OXSR1: variants seen among roughly 807,000 people sequenced by gnomAD.
The protein encoded by OXSR1 is serine/threonine-protein kinase OSR1.
OXSR1 carries 24 observed loss-of-function variants against 79.8 expected under a neutral mutation model. That is an observed-to-expected ratio of 0.30 (90% CI 0.22 to 0.42). OXSR1 has a LOEUF of 0.42. Ranked by LOEUF, OXSR1 falls within the 10% of genes least tolerant of loss-of-function variation. The probability of loss-of-function intolerance (pLI) is 1.00; values close to 1 mark genes in which losing one functional copy is unlikely to be tolerated. For synonymous variants in OXSR1, 226 were observed against 209.2 expected, an observed-to-expected ratio of 1.08 and a Z score of -0.69; for missense variants, 430 against 618.4, an observed-to-expected ratio of 0.70 and a Z score of 3.23.
intron 6 of OXSR1, among the ~76,000 whole-genome samples, chr3:38,223,095 G>A (rs1702620592): frequency 6.6e-6 from 1 of 151,970 alleles, no homozygotes; most frequent in African/African-American, 2.4e-5. Flanking sequence ...TAAAGCTTAT[G>A]AACACTTTCA....
At chr3:38,230,273 A>G (rs988417475) in intron 9 of OXSR1, 92 bp from the exon 10 acceptor site, 11 of 775,660 alleles carry the variant, frequency 1.4e-5, no homozygotes, top group Admixed American at 6.4e-5. Flanking sequence ...AACAGTTACT[A>G]TATCACATTT....
chr3:38,183,403 A>G (rs1701823414), intron 2 of OXSR1, among the ~76,000 whole-genome samples: 1 of 152,200 alleles, frequency 6.6e-6, no homozygotes, highest in African/African-American at 2.4e-5. Context: ...TTTTCATTTA[A>G]TAATTTATCA....
intron 8 of OXSR1, 109 bp from the exon 9 acceptor site, chr3:38,229,574 CTGAG>C: frequency 1.3e-6 from 1 of 758,784 alleles, no homozygotes; most frequent in Non-Finnish European, 2.3e-6. Flanking sequence ...GTAGAGTATA[CTGAG>C]TTTTTATTTT....
At position 38,224,654 on chromosome 3, in the gene OXSR1, A is replaced by G. The variant is rs1210629992; in HGVS notation, c.786A>G (p.Lys262=). ...AAGAAATGCTGAAAAAATATGGAAA[A>G]TCATTTAGAAAAATGATTTCATTGT... ...QDKEMLKKYG[K]SFRKMISLCL... The change falls in exon 8 of 18, where the codon AAA becomes AAG. Residue 262 remains lysine (K), a synonymous_variant. Transcript: ENST00000311806. 6.3e-7 allele frequency: 1 copy of G among 1,592,712 alleles called. No individual in the cohort carries two copies. Among genetic ancestry groups the G allele is most frequent in the Non-Finnish European group, 8.6e-7 (1 of 1,167,792 alleles).
In OXSR1 at chr3:38,253,111, A is replaced by T; in HGVS notation, c.*220A>T. 1 of 557,488 alleles carries T rather than the reference A, an allele frequency of 1.8e-6. No individual in the cohort carries two copies. Among genetic ancestry groups the T allele is most frequent in the South Asian group, 2.2e-5 (1 of 44,876 alleles). The allele number at this position is 557,488 out of a possible 1,614,324, so 34.5% of individuals were successfully genotyped here. Reference sequence around the variant, plus strand: ...CAGCATCCCCAGAGTTCCGTTAGTAAACTTACTTCATATGTCCCCTGTCTT... The same window carrying T: ...CAGCATCCCCAGAGTTCCGTTAGTATACTTACTTCATATGTCCCCTGTCTT... On this transcript the variant is annotated 3_prime_UTR_variant, in exon 18 of 18. Transcript: ENST00000311806.
Position 38,165,547 on chromosome 3 carries a change from T to TGGGGCTGGGGTGGAGGGGGGGACAGA in OXSR1, c.-313_-312insGGGGACAGAGGGGCTGGGGTGGAGGG. The TGGGGCTGGGGTGGAGGGGGGGACAGA allele has an allele frequency of 3.2e-6, 1 of 309,440 alleles. No individual in the cohort carries two copies. 19.2% of individuals were successfully genotyped at this position (309,440 alleles called of 1,614,324 possible). ...AAGAGGGGAAAGTTTGGCCCGTGCG[T>TGGGGCTGGGGTGGAGGGGGGGACAGA]GGGGCTGGGGTGGAGGGCGGGACAG... On this transcript the variant is annotated 5_prime_UTR_variant, in exon 1 of 18. Coordinates refer to ENST00000311806, the MANE Select transcript of OXSR1 (RefSeq NM_005109.3).
chr3:38,188,952 A>C (rs1410465211), intron 2 of OXSR1, among the ~76,000 whole-genome samples: 3 of 152,178 alleles, frequency 2.0e-5, no homozygotes, highest in Admixed American at 2.0e-4. Flanking sequence ...ATGTTGATCG[A>C]GTACCTAGCA....
chr3:38,210,199 C>G (rs1453638107), intron 4 of OXSR1, among the ~76,000 whole-genome samples: 1 of 151,950 alleles, frequency 6.6e-6, no homozygotes, highest in Non-Finnish European at 1.5e-5. Context: ...ATATTTTTGT[C>G]TCCCTTACCC....
chr3:38,177,027 G>C (rs1575308827), intron 1 of OXSR1, among the ~76,000 whole-genome samples: 1 of 152,262 alleles, frequency 6.6e-6, no homozygotes, highest in East Asian at 1.9e-4. Flanking sequence ...AACTAATACT[G>C]GTTAAAAAGA....
In OXSR1 at chr3:38,170,931, C is replaced by T. The variant is rs185572773; in HGVS notation, c.70+4985C>T. 2.0e-5 allele frequency among the ~76,000 whole-genome samples: 3 copies of T among 152,268 alleles called. No homozygotes were observed. The East Asian group carries it at 5.8e-4, about 29-fold the overall frequency. ...TAGCTGGACTACAGGCATGTGCCAC[C>T]ATGCCCGCCTCATTGTTTTATTTTT... is the stretch of plus-strand genomic sequence containing the variant. On this transcript the variant is annotated intron_variant, in intron 1 of 17. Coordinates refer to ENST00000311806, the MANE Select transcript of OXSR1 (RefSeq NM_005109.3).
chr3:38,216,242 G>T, intron 5 of OXSR1, 91 bp downstream of exon 5: 1 of 823,590 alleles, frequency 1.2e-6, no homozygotes, highest in Non-Finnish European at 2.0e-6. Flanking sequence ...ATTCTCTCCT[G>T]TTCCCTGGAC....
At chr3:38,220,238 T>C (rs1332972593) in intron 5 of OXSR1, among the ~76,000 whole-genome samples, 1 of 152,202 alleles carries the variant, frequency 6.6e-6, no homozygotes, top group Admixed American at 6.5e-5. Flanking sequence ...CAAATAATTG[T>C]TTGAAAATGG....
rs746584164 is a variant in OXSR1 at position 38,216,076 on chromosome 3, C to CT, written c.435-5dup. On this transcript the variant is annotated intron_variant, in intron 4 of 17. Transcript: ENST00000311806. ...AGAATAGATGTTTTTTGATACATAACTTTTTTTTTTTTTTTAAAGAGATGT... is the reference window on the plus strand; with the variant it reads ...AGAATAGATGTTTTTTGATACATAACTTTTTTTTTTTTTTTTAAAGAGATGT... 205,942 of 1,167,096 alleles carry CT rather than the reference C, an allele frequency of 0.18. 277 individuals are homozygous for CT. Among genetic ancestry groups the CT allele is most frequent in the Middle Eastern group, 0.21 (780 of 3,718 alleles). 72.3% of individuals were successfully genotyped at this position (1,167,096 alleles called of 1,614,324 possible). A position where few individuals can be genotyped will look rare whatever the true frequency, so the allele number is the denominator to read the frequency against.
chr3:38,164,309 C>G (rs1397692492), upstream of OXSR1, among the ~76,000 whole-genome samples: 7 of 152,158 alleles, frequency 4.6e-5, no homozygotes, highest in Non-Finnish European at 8.8e-5. Context: ...CCACGCCCAG[C>G]GATTTTTCTG....
chr3:38,228,332 G>A (rs1369079667), intron 8 of OXSR1, among the ~76,000 whole-genome samples: 5 of 152,162 alleles, frequency 3.3e-5, no homozygotes, highest in African/African-American at 1.2e-4. Flanking sequence ...TCACATTGTT[G>A]AGCATATTGA....
At chr3:38,218,376 C>G (rs1262868766) in intron 5 of OXSR1, among the ~76,000 whole-genome samples, 1 of 152,044 alleles carries the variant, frequency 6.6e-6, no homozygotes. Context: ...AAGGTGTTAT[C>G]TATCTCATTG....
rs35461762 is a variant in OXSR1 at position 38,210,850 on chromosome 3, G to C, written c.435-5246G>C. Among the ~76,000 whole-genome samples, 1,076 of 152,204 alleles carry C rather than the reference G, an allele frequency of 7.1e-3. 18 individuals carry two copies. Among genetic ancestry groups the C allele is most frequent in the African/African-American group, 0.025 (1,032 of 41,512 alleles). On this transcript the variant is annotated intron_variant, in intron 4 of 17. Transcript: ENST00000311806. Reference sequence around the variant, plus strand: ...AGAAGTGACAAGCTCATTACATATTGAACTGGATAAGATTAAATCTTAAAA... The same window carrying C: ...AGAAGTGACAAGCTCATTACATATTCAACTGGATAAGATTAAATCTTAAAA...
chr3:38,218,048 CATT>C (rs1377247917), intron 5 of OXSR1, among the ~76,000 whole-genome samples: 1 of 152,126 alleles, frequency 6.6e-6, no homozygotes, highest in African/African-American at 2.4e-5. Flanking sequence ...ACCTTTTGGT[CATT>C]ATGAATAATG....
chr3:38,223,783 A>G (rs1157125148), intron 6 of OXSR1, 29 bp from the exon 7 acceptor site: 1 of 1,524,838 alleles, frequency 6.6e-7, no homozygotes, highest in Middle Eastern at 1.7e-4. Context: ...TTATGCTGGT[A>G]AAAATAATCA....
Sources: allele counts gnomAD v4.1 joint callset (sites outside exome capture counted in the v4.1 genomes callset), GRCh38; gene constraint gnomAD v4.1.1; transcripts MANE v1.5; gene names NCBI Gene and HGNC (gene_info 2026-07-23, HGNC 2026-07-21).